FSTL4: variants seen among roughly 807,000 people sequenced by gnomAD.
FSTL4 encodes follistatin-related protein 4.
Under a neutral mutation model 78.2 loss-of-function variants are expected in FSTL4, and 28 were observed. That is an observed-to-expected ratio of 0.36 (90% CI 0.27 to 0.49). The LOEUF (loss-of-function observed/expected upper bound fraction) is 0.49, where lower values mean the gene tolerates loss of function less well. Ranked by LOEUF, FSTL4 falls within the 20% of genes least tolerant of loss-of-function variation. The pLI, the probability that FSTL4 is intolerant of heterozygous loss-of-function variation, is 0.98. For synonymous variants in FSTL4, 422 were observed against 440.5 expected (o/e 0.96, Z 0.53); for missense variants, 922 against 1,084.9 (o/e 0.85, Z 2.11).
chr5:133,837,031 T>A, the FSTL4 span, among the ~76,000 whole-genome samples: 1 of 152,136 alleles, frequency 6.6e-6, no homozygotes, highest in Non-Finnish European at 1.5e-5. Flanking sequence ...TTTTCAAATA[T>A]GGCTTCTACC....
the FSTL4 span, among the ~76,000 whole-genome samples, chr5:133,698,680 A>C: frequency 6.6e-6 from 1 of 152,376 alleles, no homozygotes; most frequent in Admixed American, 6.5e-5. Flanking sequence ...GGCTCCATAC[A>C]TGGGAGATGC....
the FSTL4 span, among the ~76,000 whole-genome samples, chr5:133,705,143 C>T: frequency 1.3e-5 from 2 of 152,172 alleles, no homozygotes; most frequent in South Asian, 2.1e-4. Flanking sequence ...TCACTACAAC[C>T]TCTGCCTCCC....
chr5:133,435,863 C>T (rs1270751827), intron 3 of FSTL4, among the ~76,000 whole-genome samples: 1 of 152,162 alleles, frequency 6.6e-6, no homozygotes, highest in East Asian at 1.9e-4. Flanking sequence ...GCCTTGAATT[C>T]TACTTCCCCT....
chr5:133,291,753 G>A (rs56264903), intron 6 of FSTL4, among the ~76,000 whole-genome samples: 25,776 of 152,034 alleles, frequency 0.17, 2,559 homozygotes, highest in African/African-American at 0.27. Flanking sequence ...CTCAGTTCCT[G>A]TACAGGTGTA....
chr5:133,823,059 C>T, the FSTL4 span, among the ~76,000 whole-genome samples: 3 of 152,180 alleles, frequency 2.0e-5, no homozygotes, highest in East Asian at 5.8e-4. Flanking sequence ...ACAGGTAAAG[C>T]ATATGGTACA....
chr5:133,606,489 A>T (rs186019764), intron 1 of FSTL4, among the ~76,000 whole-genome samples: 4 of 152,352 alleles, frequency 2.6e-5, no homozygotes, highest in Admixed American at 6.5e-5. Context: ...CCTCTTCTGA[A>T]TGCAGAGCCA....
At chr5:133,246,504 A>T (rs190901333) in intron 7 of FSTL4, 12 of 152,348 alleles carry the variant, frequency 7.9e-5, no homozygotes, top group African/African-American at 2.9e-4. Flanking sequence ...ATGCCCATGT[A>T]AGGAGCACAT....
intron 3 of FSTL4, among the ~76,000 whole-genome samples, chr5:133,498,882 T>C (rs1313532517): frequency 2.0e-5 from 3 of 152,066 alleles, no homozygotes; most frequent in Non-Finnish European, 2.9e-5. Context: ...GTGAGGTCTG[T>C]TTTAGCAGAA....
intron 3 of FSTL4, among the ~76,000 whole-genome samples, chr5:133,530,144 G>A (rs551254527): frequency 3.0e-4 from 45 of 152,282 alleles, no homozygotes; most frequent in African/African-American, 1.0e-3. Flanking sequence ...CAGCCCTTGA[G>A]ACAGCTGGAG....
intron 3 of FSTL4, among the ~76,000 whole-genome samples, chr5:133,475,544 A>G (rs910521518): frequency 6.6e-6 from 1 of 152,246 alleles, no homozygotes; most frequent in African/African-American, 2.4e-5. Context: ...TTTATTTTCA[A>G]TAGCCCTGCT....
chr5:133,218,815 C>A (rs1280948551), intron 12 of FSTL4, among the ~76,000 whole-genome samples: 1 of 152,202 alleles, frequency 6.6e-6, no homozygotes, highest in Non-Finnish European at 1.5e-5. Context: ...TTTCCATTTA[C>A]CACTTGACTT....
rs529853908 is a variant in FSTL4 at position 133,354,496 on chromosome 5, C to T, written c.410-37844G>A. On this transcript the variant is annotated intron_variant, in intron 4 of 15. Coordinates refer to ENST00000265342, the MANE Select transcript of FSTL4 (RefSeq NM_015082.2). Reference sequence around the variant, plus strand: ...AGGACATCCTGGAGAGCCTTGGTGGCCCAGGCCCAGGTCTCACTGAGGAAG... The same window carrying T: ...AGGACATCCTGGAGAGCCTTGGTGGTCCAGGCCCAGGTCTCACTGAGGAAG... Among the ~76,000 whole-genome samples, 4 of 152,308 alleles carry T rather than the reference C, an allele frequency of 2.6e-5. No homozygotes were observed. In the South Asian group the frequency reaches 8.3e-4, roughly 32 times the overall value.
At chr5:133,748,399 A>C in the FSTL4 span, among the ~76,000 whole-genome samples, 2 of 151,310 alleles carry the variant, frequency 1.3e-5, no homozygotes, top group African/African-American at 2.4e-5. Flanking sequence ...GTGAAACCCT[A>C]TCTCTACTAA....
intron 6 of FSTL4, among the ~76,000 whole-genome samples, chr5:133,269,037 C>G (rs1295413930): frequency 6.6e-6 from 1 of 151,924 alleles, no homozygotes; most frequent in Non-Finnish European, 1.5e-5. Flanking sequence ...AAAAAATTAG[C>G]CGGGCATGGT....
the FSTL4 span, among the ~76,000 whole-genome samples, chr5:133,656,278 T>C: frequency 4.6e-5 from 7 of 152,082 alleles, no homozygotes; most frequent in Non-Finnish European, 7.4e-5. Flanking sequence ...CTCTGGGATC[T>C]AGTATAAAAC....
the FSTL4 span, among the ~76,000 whole-genome samples, chr5:133,652,950 CCA>C: frequency 1.3e-5 from 2 of 152,112 alleles, no homozygotes; most frequent in African/African-American, 4.8e-5. Flanking sequence ...ATAAAATTAT[CCA>C]CAGACTGAGA....
intron 13 of FSTL4, 32 bp from the exon 14 acceptor site, chr5:133,210,330 C>T: frequency 1.6e-6 from 2 of 1,255,922 alleles, no homozygotes; most frequent in African/African-American, 1.5e-5. Flanking sequence ...GTTGTGAAAG[C>T]TGACATGATG....
chr5:133,292,052 C>A (rs552781188), intron 6 of FSTL4, among the ~76,000 whole-genome samples: 2 of 152,288 alleles, frequency 1.3e-5, no homozygotes, highest in Non-Finnish European at 2.9e-5. Flanking sequence ...TCCACCCAGC[C>A]CATGGAGATG....
rs1753079738 is a variant in FSTL4, at chr5:133,284,351, T to C, written c.727+28303A>G. Among the ~76,000 whole-genome samples, 6 of 152,160 alleles carry C rather than the reference T, an allele frequency of 3.9e-5. No homozygotes were observed. The South Asian group carries it at 1.2e-3, about 32-fold the overall frequency. Reference sequence around the variant, plus strand: ...CTTCCTCTAATTAGAGTGAGTCAAGTCATTAAAAACACTATCCTTCAATTG... The same window carrying C: ...CTTCCTCTAATTAGAGTGAGTCAAGCCATTAAAAACACTATCCTTCAATTG... On this transcript the variant is annotated intron_variant, in intron 6 of 15. Transcript: ENST00000265342.
Sources: allele counts gnomAD v4.1 joint callset (sites outside exome capture counted in the v4.1 genomes callset), GRCh38; gene constraint gnomAD v4.1.1; transcripts MANE v1.5; gene names NCBI Gene and HGNC (gene_info 2026-07-23, HGNC 2026-07-21).